ARHGAP28: variants seen among roughly 807,000 people sequenced by gnomAD.
ARHGAP28 encodes rho GTPase-activating protein 28.
ARHGAP28 carries 56 observed loss-of-function variants against 90.7 expected under a neutral mutation model. The observed-to-expected ratio is 0.62, with a 90% CI of 0.50 to 0.77. The LOEUF is 0.77. Among genes scored for constraint, ARHGAP28 ranks in the 30% least tolerant of loss-of-function variants. The pLI, the probability that ARHGAP28 is intolerant of heterozygous loss-of-function variation, is 0.00. For synonymous variants in ARHGAP28, 308 were observed against 323.3 expected (o/e 0.95, Z 0.51); for missense variants, 869 against 900.9 (o/e 0.96, Z 0.45).
chr18:6,757,110 A>G (rs1409556235), intron 1 of ARHGAP28, among the ~76,000 whole-genome samples: 1 of 152,206 alleles, frequency 6.6e-6, no homozygotes, highest in African/African-American at 2.4e-5. Context: ...AGTAAAGAGC[A>G]TTACTTAAAA....
chr18:6,841,216 T>TCTCTC (rs2056823604), intron 3 of ARHGAP28, among the ~76,000 whole-genome samples: 1 of 114,270 alleles, frequency 8.8e-6, no homozygotes, highest in African/African-American at 3.5e-5. Flanking sequence ...CTCCTCTCTC[T>TCTCTC]CTCTCTCCCC....
intron 2 of ARHGAP28, chr18:6,835,964 A>T (rs1422716145): frequency 6.6e-6 from 1 of 152,180 alleles, no homozygotes; most frequent in Non-Finnish European, 1.5e-5. Context: ...GTGAGCAGCT[A>T]TAAACTAACC....
At chr18:6,850,019 G>T (rs867556924) in intron 3 of ARHGAP28, among the ~76,000 whole-genome samples, 1 of 151,622 alleles carries the variant, frequency 6.6e-6, no homozygotes, top group Non-Finnish European at 1.5e-5. Context: ...TTTTCTATTT[G>T]TATGCTAGTA....
intron 5 of ARHGAP28, 51 bp from the exon 6 acceptor site, chr18:6,868,099 G>A: frequency 7.0e-7 from 1 of 1,433,400 alleles, no homozygotes; most frequent in East Asian, 2.3e-5. Context: ...AATGTGAGGT[G>A]GACTGTATTT....
At chr18:6,778,517 C>T (rs1490678868) in intron 1 of ARHGAP28, among the ~76,000 whole-genome samples, 1 of 152,166 alleles carries the variant, frequency 6.6e-6, no homozygotes, top group Non-Finnish European at 1.5e-5. Context: ...AGTCCTGGCT[C>T]TGAGGTCTGA....
intron 1 of ARHGAP28, among the ~76,000 whole-genome samples, chr18:6,758,743 G>A (rs1203130430): frequency 1.3e-5 from 2 of 152,130 alleles, no homozygotes; most frequent in Non-Finnish European, 2.9e-5. Flanking sequence ...AGACAGACCT[G>A]AAAATAAGGT....
At chr18:6,882,072 G>T (rs2057182811) in intron 10 of ARHGAP28, 65 bp from the exon 11 acceptor site, 1 of 1,474,592 alleles carries the variant, frequency 6.8e-7, no homozygotes, top group Admixed American at 2.1e-5. Flanking sequence ...AACAGTTTTC[G>T]AAGGGGAAAA....
At chr18:6,786,144 G>GT (rs1466719243) in intron 1 of ARHGAP28, among the ~76,000 whole-genome samples, 4 of 152,200 alleles carry the variant, frequency 2.6e-5, no homozygotes, top group African/African-American at 9.7e-5. Flanking sequence ...GTATTTTGAC[G>GT]TGGAGTGACC....
At position 6,884,909 on chromosome 18, in the gene ARHGAP28, CT is replaced by C. The variant is rs569574078; in HGVS notation, c.1454-2246del. ...TTTTCATCCTCCAAAATATTCAATC[CT>C]TGTGTTCAAACCATGCCAAATGATT... is the stretch of plus-strand genomic sequence containing the variant. On this transcript the variant is annotated intron_variant, in intron 11 of 17. Transcript: ENST00000383472. Among the ~76,000 whole-genome samples the C allele has an allele frequency of 1.8e-3, 274 of 152,250 alleles. 2 individuals carry two copies. Among genetic ancestry groups the C allele is most frequent in the Admixed American group, 0.016 (249 of 15,292 alleles).
intron 1 of ARHGAP28, among the ~76,000 whole-genome samples, chr18:6,751,525 A>G (rs1050687076): frequency 2.0e-5 from 3 of 152,238 alleles, no homozygotes; most frequent in Non-Finnish European, 4.4e-5. Context: ...ATCAGAAAAC[A>G]TAATTTTAAA....
Position 6,888,288 on chromosome 18 carries a change from G to A in ARHGAP28, c.1536+1049G>A, listed in dbSNP as rs549376042. 8.5e-5 allele frequency among the ~76,000 whole-genome samples: 13 copies of A among 152,192 alleles called. No homozygotes were observed. In the South Asian group the frequency reaches 1.7e-3, roughly 19 times the overall value. On this transcript the variant is annotated intron_variant, in intron 12 of 17. Transcript: ENST00000383472. Reference sequence around the variant, plus strand: ...CTGGATAATCATTCTATATACAATAGGAAATTTGTTTTAAGTACAACAGGT... The same window carrying A: ...CTGGATAATCATTCTATATACAATAAGAAATTTGTTTTAAGTACAACAGGT...
intron 1 of ARHGAP28, among the ~76,000 whole-genome samples, chr18:6,753,125 G>C (rs1188283316): frequency 6.6e-6 from 1 of 152,046 alleles, no homozygotes; most frequent in African/African-American, 2.4e-5. Context: ...AGAATAAAGG[G>C]ATTTGTAATA....
chr18:6,894,733 A>G (rs1296325434), intron 14 of ARHGAP28, 102 bp from the exon 15 acceptor site: 4 of 903,980 alleles, frequency 4.4e-6, no homozygotes, highest in Non-Finnish European at 6.9e-6. Flanking sequence ...TTTTATAAAT[A>G]TTGCCAAAAT....
intron 1 of ARHGAP28, among the ~76,000 whole-genome samples, chr18:6,821,370 G>T (rs1263949576): frequency 6.6e-6 from 1 of 152,122 alleles, no homozygotes; most frequent in Non-Finnish European, 1.5e-5. Flanking sequence ...TAACACAATT[G>T]CATTCAATTT....
chr18:6,878,642 G>A (rs1392668406), intron 10 of ARHGAP28, among the ~76,000 whole-genome samples: 2 of 152,242 alleles, frequency 1.3e-5, no homozygotes, highest in African/African-American at 2.4e-5. Flanking sequence ...ATGCATTCCT[G>A]AACCACATAC....
intron 1 of ARHGAP28, among the ~76,000 whole-genome samples, chr18:6,762,237 T>C (rs2056166105): frequency 6.6e-6 from 1 of 152,148 alleles, no homozygotes; most frequent in Non-Finnish European, 1.5e-5. Context: ...CAGACAGTGA[T>C]TTTTCTAAAA....
chr18:6,734,237 A>G (rs2055907284), intron 1 of ARHGAP28, among the ~76,000 whole-genome samples: 1 of 152,220 alleles, frequency 6.6e-6, no homozygotes, highest in Admixed American at 6.5e-5. Flanking sequence ...CATACAAAAT[A>G]ATTTCACTGA....
intron 1 of ARHGAP28, among the ~76,000 whole-genome samples, chr18:6,762,127 T>A (rs1004922512): frequency 1.3e-5 from 2 of 152,216 alleles, no homozygotes; most frequent in African/African-American, 4.8e-5. Context: ...TGTCAGTTTA[T>A]TACATCGCCA....
intron 4 of ARHGAP28, among the ~76,000 whole-genome samples, chr18:6,851,362 C>CAG (rs773290011): frequency 2.6e-5 from 4 of 151,886 alleles, no homozygotes; most frequent in Non-Finnish European, 5.9e-5. Context: ...TATGGAAATG[C>CAG]GAAGAAAGCC....
Sources: gnomAD v4.1 joint callset for allele counts (sites outside exome capture counted in the v4.1 genomes callset) on GRCh38, gnomAD v4.1.1 for gene constraint, MANE v1.5 for transcripts, NCBI Gene and HGNC (gene_info 2026-07-23, HGNC 2026-07-21) for gene names.